Variants in TBC1D12 observed in about 807,000 individuals in gnomAD.
TBC1D12 encodes TBC1 domain family, member 12.
TBC1D12 carries 56 observed loss-of-function variants against 86.7 expected under a neutral mutation model. The observed-to-expected ratio is 0.65, with a 90% confidence interval of 0.52 to 0.81. The LOEUF is 0.81. Ranked by LOEUF, TBC1D12 falls within the 30% of genes least tolerant of loss-of-function variation. The pLI, the probability that TBC1D12 is intolerant of heterozygous loss-of-function variation, is 0.00. For synonymous variants in TBC1D12, 421 were observed against 411.7 expected (o/e 1.02, Z -0.27); for missense variants, 1,023 against 1,038.8 (o/e 0.98, Z 0.21).
At chr10:94,422,686 T>A (rs1057208531) in intron 1 of TBC1D12, among the ~76,000 whole-genome samples, 2 of 152,170 alleles carry the variant, frequency 1.3e-5, no homozygotes, top group African/African-American at 2.4e-5. Flanking sequence ...GCAGTCTTCT[T>A]GCCTTAGCCT....
intron 2 of TBC1D12, among the ~76,000 whole-genome samples, chr10:94,458,510 A>G (rs1451314068): frequency 6.6e-6 from 1 of 152,212 alleles, no homozygotes; most frequent in African/African-American, 2.4e-5. Flanking sequence ...ATTCTTGACC[A>G]GCCTGACCAA....
intron 3 of TBC1D12, among the ~76,000 whole-genome samples, chr10:94,488,452 G>A (rs2056200978): frequency 7.2e-6 from 1 of 138,646 alleles, no homozygotes; most frequent in Non-Finnish European, 1.5e-5. Context: ...GTGCAGTGGT[G>A]CGATCTTGGC....
rs547257323 is a variant in TBC1D12, at chr10:94,462,138, T to G, written c.1096-12530T>G. 8.9e-4 allele frequency among the ~76,000 whole-genome samples: 135 copies of G among 152,338 alleles called. 1 individual carries two copies. The highest frequency in any genetic ancestry group is 3.0e-3 in the African/African-American group (124 of 41,576). On this transcript the variant is annotated intron_variant, in intron 2 of 12. Coordinates refer to ENST00000225235, the MANE Select transcript of TBC1D12 (RefSeq NM_015188.2). ...TAATGCTTTTGTCAGATTCTGGTATTGGGATAATACAATCATCATTTAGTA... is the reference window on the plus strand; with the variant it reads ...TAATGCTTTTGTCAGATTCTGGTATGGGGATAATACAATCATCATTTAGTA...
At chr10:94,499,325 C>T (rs1158454111) in intron 5 of TBC1D12, among the ~76,000 whole-genome samples, 1 of 152,118 alleles carries the variant, frequency 6.6e-6, no homozygotes, top group East Asian at 1.9e-4. Context: ...TCACTTTACT[C>T]CCCGCTCCCC....
At chr10:94,516,330 CAA>C (rs941396346) in intron 9 of TBC1D12, among the ~76,000 whole-genome samples, 5 of 151,700 alleles carry the variant, frequency 3.3e-5, no homozygotes, top group African/African-American at 1.2e-4. Flanking sequence ...CTGATCAAAA[CAA>C]ATCTATTAGA....
chr10:94,509,989 T>G lies in TBC1D12; in HGVS notation c.1601-102T>G. On this transcript the variant is annotated intron_variant, in intron 7 of 12. Coordinates refer to ENST00000225235, the MANE Select transcript of TBC1D12 (RefSeq NM_015188.2). ...CTTATAATTTCTTGATTATTCAGCTTTTAACTTAAATAACACATGCTGTGT... is the reference window on the plus strand; with the variant it reads ...CTTATAATTTCTTGATTATTCAGCTGTTAACTTAAATAACACATGCTGTGT... The G allele has an allele frequency of 3.8e-6, 3 of 781,802 alleles. No individual in the cohort carries two copies. The South Asian group carries it at 5.2e-5, about 14-fold the overall frequency. 48.4% of individuals were successfully genotyped at this position (781,802 alleles called of 1,614,324 possible).
intron 6 of TBC1D12, among the ~76,000 whole-genome samples, chr10:94,501,056 A>G (rs1347462306): frequency 6.7e-6 from 1 of 149,264 alleles, no homozygotes; most frequent in Non-Finnish European, 1.5e-5. Flanking sequence ...ACTCTATCTC[A>G]AATGAATGAA....
chr10:94,426,831 C>T (rs1313340802), intron 1 of TBC1D12, among the ~76,000 whole-genome samples: 1 of 152,192 alleles, frequency 6.6e-6, no homozygotes, highest in Non-Finnish European at 1.5e-5. Context: ...CCACTTCGGC[C>T]TTGCAAAGTG....
At chr10:94,522,810 CT>C (rs1842186140) in intron 11 of TBC1D12, among the ~76,000 whole-genome samples, 1 of 151,954 alleles carries the variant, frequency 6.6e-6, no homozygotes, top group Non-Finnish European at 1.5e-5. Context: ...AATCTTAGCA[CT>C]TTGGTGGGTG....
At chr10:94,492,217 A>G (rs188491344) in intron 3 of TBC1D12, among the ~76,000 whole-genome samples, 1 of 152,156 alleles carries the variant, frequency 6.6e-6, no homozygotes, top group South Asian at 2.1e-4. Context: ...CCTGGTATAT[A>G]TAGGGTTTGT....
At chr10:94,497,220 CAT>C (rs1290969127) in intron 5 of TBC1D12, 48 bp downstream of exon 5, 7 of 1,064,586 alleles carry the variant, frequency 6.6e-6, no homozygotes, top group East Asian at 5.8e-5. Flanking sequence ...CCGAAGATCT[CAT>C]GTTTCTTTTT....
intron 3 of TBC1D12, among the ~76,000 whole-genome samples, chr10:94,490,997 T>C (rs181579886): frequency 6.6e-6 from 1 of 152,300 alleles, no homozygotes; most frequent in Non-Finnish European, 1.5e-5. Context: ...AACTTTTAGC[T>C]GTCTTGGACT....
chr10:94,469,098 A>C (rs114434154), intron 2 of TBC1D12, among the ~76,000 whole-genome samples: 1 of 152,224 alleles, frequency 6.6e-6, no homozygotes, highest in African/African-American at 2.4e-5. Flanking sequence ...AAAGGAGTCA[A>C]ACTGATGCAC....
chr10:94,524,596 A>G (rs1218421078), intron 11 of TBC1D12, among the ~76,000 whole-genome samples: 2 of 151,882 alleles, frequency 1.3e-5, no homozygotes, highest in African/African-American at 2.4e-5. Flanking sequence ...AAAATTAGCC[A>G]GGCATGGTGG....
chr10:94,493,629 G>A (rs1489955769), intron 4 of TBC1D12, among the ~76,000 whole-genome samples, 182 bp downstream of exon 4: 3 of 152,042 alleles, frequency 2.0e-5, no homozygotes, highest in Non-Finnish European at 4.4e-5. Flanking sequence ...ACAGCTCACT[G>A]TAGCCTGACC....
chr10:94,531,269 A>C lies in TBC1D12; in HGVS notation c.2068A>C (p.Arg690=). Residue 690 remains arginine (R), a synonymous_variant, in exon 12 of 13, where the codon AGA becomes CGA. Coordinates refer to ENST00000225235, the MANE Select transcript of TBC1D12 (RefSeq NM_015188.2). ...CTGTCGAGTCTGGGATGTATTTTGC[A>C]GAGATGGGGAAGAATTTTTATTTAG... is the stretch of plus-strand genomic sequence containing the variant. ...LACRVWDVFC[R]DGEEFLFRTG... is the part of the protein sequence containing the mutation. 2 of 1,614,106 alleles carry C rather than the reference A, an allele frequency of 1.2e-6. No homozygotes were observed. Among genetic ancestry groups the C allele is most frequent in the Non-Finnish European group, 1.7e-6 (2 of 1,179,986 alleles).
At chr10:94,438,747 G>C (rs2055338771) in intron 1 of TBC1D12, among the ~76,000 whole-genome samples, 1 of 151,894 alleles carries the variant, frequency 6.6e-6, no homozygotes, top group Admixed American at 6.6e-5. Context: ...AAAGGGTTTG[G>C]TCAGTTCCTA....
At chr10:94,434,441 G>C (rs1033915523) in intron 1 of TBC1D12, among the ~76,000 whole-genome samples, 1 of 151,454 alleles carries the variant, frequency 6.6e-6, no homozygotes, top group Non-Finnish European at 1.5e-5. Context: ...GGGAGATGGA[G>C]GTTGCAGTGA....
chr10:94,477,270 A>G (rs2056004023), intron 3 of TBC1D12, among the ~76,000 whole-genome samples: 1 of 152,108 alleles, frequency 6.6e-6, no homozygotes, highest in Admixed American at 6.6e-5. Context: ...ACCTTTTTAA[A>G]TTTGAAGGGG....
Sources: allele counts gnomAD v4.1 joint callset (sites outside exome capture counted in the v4.1 genomes callset), GRCh38; gene constraint gnomAD v4.1.1; transcripts MANE v1.5; gene names NCBI Gene and HGNC (gene_info 2026-07-23, HGNC 2026-07-21).